Variants in PCNT observed in about 807,000 individuals in gnomAD.
PCNT encodes pericentrin, also known as kendrin.
PCNT carries 319 observed loss-of-function variants against 380.4 expected under a neutral mutation model. The ratio of observed to expected loss-of-function variants is 0.84; its 90% CI spans 0.77 to 0.92. The LOEUF is 0.92. PCNT is among the 40% of genes least tolerant of loss of function. The pLI, the probability that PCNT is intolerant of heterozygous loss-of-function variation, is 0.00. For missense variants in PCNT, 4,400 were observed against 4,255.3 expected (o/e 1.03, Z -0.95); for synonymous variants, 1,845 against 1,735.2 (o/e 1.06, Z -1.57).
At chr21:46,351,762 G>T (rs1016045821) in intron 9 of PCNT, among the ~76,000 whole-genome samples, 1 of 152,248 alleles carries the variant, frequency 6.6e-6, no homozygotes, top group African/African-American at 2.4e-5. Flanking sequence ...GCAGTGACGT[G>T]CACCTGTGTG....
intron 16 of PCNT, 129 bp downstream of exon 16, chr21:46,381,969 T>A (rs552292328): frequency 1.1e-6 from 1 of 924,136 alleles, no homozygotes; most frequent in African/African-American, 1.7e-5. Context: ...TGTTGTACAT[T>A]CAGTGGCGGA....
rs141990309 is a variant in PCNT at position 46,389,338 on chromosome 21, G to T, written c.3747G>T (p.Val1249=). ...GCTTTCTCATGAGCCCAGAAAGTGT[G>T]CGGGAGTGTGAGCAGCCCATCCGGA... ...RESFLMSPES[V]RECEQPIRRV... Residue 1249 remains valine (V), a synonymous_variant, in exon 19 of 47, where the codon GTG becomes GTT. Transcript: ENST00000359568. 6.2e-7 allele frequency: 1 copy of T among 1,614,048 alleles called. No individual in the cohort carries two copies. Among genetic ancestry groups the T allele is most frequent in the African/African-American group, 1.3e-5 (1 of 74,922 alleles).
At position 46,436,197 on chromosome 21, in the gene PCNT, T is replaced by C. The variant is rs1341834992; in HGVS notation, c.8996+49T>C. ...CTCACTGGTCCCTTGCAGCCACCCC[T>C]CTGTCCCAGACCCGGCCCGAGGGCT... On this transcript the variant is annotated intron_variant, in intron 39 of 46. Transcript: ENST00000359568. The C allele has an allele frequency of 2.5e-6, 4 of 1,596,796 alleles. No individual in the cohort carries two copies. The East Asian group carries it at 8.9e-5, about 36-fold the overall frequency.
intron 37 of PCNT, chr21:46,430,919 T>C (rs2087733911): frequency 4.1e-6 from 4 of 981,306 alleles, no homozygotes; most frequent in Non-Finnish European, 4.8e-6. Context: ...GAGCACTTGC[T>C]GTGGAGATGG....
chr21:46,413,303 G>A lies in PCNT; in HGVS notation c.6150+311G>A, dbSNP rs1474972665. ...CACGCGGCAGCAAGGTGTGGGGAAC[G>A]GGGAAGGCACGAGGCCCACCCGGGA... On this transcript the variant is annotated intron_variant, in intron 29 of 46. Coordinates refer to ENST00000359568, the MANE Select transcript of PCNT (RefSeq NM_006031.6). Among the ~76,000 whole-genome samples the A allele has an allele frequency of 5.5e-5, 6 of 109,414 alleles. 1 individual carries two copies. Among genetic ancestry groups the A allele is most frequent in the Non-Finnish European group, 1.1e-4 (6 of 53,902 alleles). The allele number at this position is 109,414 out of a possible 152,430, so 71.8% of individuals were successfully genotyped here. A position where few individuals can be genotyped will look rare whatever the true frequency, so the allele number is the denominator to read the frequency against.
intron 39 of PCNT, 101 bp downstream of exon 39, chr21:46,436,249 C>A: frequency 7.5e-7 from 1 of 1,329,822 alleles, no homozygotes; most frequent in Non-Finnish European, 1.1e-6. Flanking sequence ...GAGGCCCCTG[C>A]TCCTTTGCAC....
At chr21:46,363,167 G>A (rs968849589) in intron 13 of PCNT, among the ~76,000 whole-genome samples, 8 of 152,190 alleles carry the variant, frequency 5.3e-5, no homozygotes, top group Non-Finnish European at 8.8e-5. Context: ...AGAAGCCTCC[G>A]GCTGCTGCCT....
intron 16 of PCNT, 35 bp downstream of exon 16, chr21:46,381,875 G>C (rs140923662): frequency 2.5e-6 from 4 of 1,609,512 alleles, no homozygotes; most frequent in Non-Finnish European, 3.4e-6. Context: ...GTGATAAGAC[G>C]TGTATAGCAT....
At chr21:46,442,365 G>A (rs1415565866) in intron 43 of PCNT, 132 bp from the exon 44 acceptor site, 46 of 705,050 alleles carry the variant, frequency 6.5e-5, no homozygotes, top group South Asian at 3.9e-4. Context: ...CAGACTGGCC[G>A]ACCTTGGCGT....
intron 8 of PCNT, among the ~76,000 whole-genome samples, chr21:46,350,120 A>G (rs991619130): frequency 6.6e-6 from 1 of 152,164 alleles, no homozygotes; most frequent in Non-Finnish European, 1.5e-5. Flanking sequence ...TGGAGGTTGC[A>G]GTGAGCTGAG....
At chr21:46,403,853 A>C (rs867985462) in intron 27 of PCNT, among the ~76,000 whole-genome samples, 1 of 55,914 alleles carries the variant, frequency 1.8e-5, no homozygotes, top group South Asian at 6.1e-4. Context: ...AGAATCGTGT[A>C]TGTGTGGTGC....
At chr21:46,381,012 A>G (rs1376831671) in intron 15 of PCNT, among the ~76,000 whole-genome samples, 1 of 151,964 alleles carries the variant, frequency 6.6e-6, no homozygotes, top group Non-Finnish European at 1.5e-5. Context: ...CTCTACTAAA[A>G]GAAAAATTAC....
chr21:46,371,372 G>C (rs1264682509), intron 15 of PCNT, among the ~76,000 whole-genome samples: 2 of 151,896 alleles, frequency 1.3e-5, no homozygotes, highest in Non-Finnish European at 2.9e-5. Context: ...ACCACGCCTC[G>C]CTAATTTTTA....
chr21:46,334,388 CCTT>C lies in PCNT; in HGVS notation c.268-5_268-3del, dbSNP rs751683541. The C allele has an allele frequency of 8.6e-5, 139 of 1,614,124 alleles. No homozygotes were observed. The highest frequency in any genetic ancestry group is 1.7e-4 in the Middle Eastern group (1 of 6,046). On this transcript the variant is annotated splice_region_variant and splice_polypyrimidine_tract_variant and intron_variant, in intron 2 of 46. Coordinates refer to ENST00000359568, the MANE Select transcript of PCNT (RefSeq NM_006031.6). ...TTTAAATGCTTCTTTCTGGTCCTCC[CCTT>C]CTTAGCCGGAGGACTGTGATGGAGA...
chr21:46,396,055 G>A (rs2086199465), intron 21 of PCNT, among the ~76,000 whole-genome samples: 2 of 152,196 alleles, frequency 1.3e-5, no homozygotes, highest in Admixed American at 6.5e-5. Context: ...TAATAAAATA[G>A]AGACTTCAGG....
At chr21:46,358,781 T>C (rs1321524565) in intron 13 of PCNT, among the ~76,000 whole-genome samples, 6 of 151,850 alleles carry the variant, frequency 4.0e-5, no homozygotes. Context: ...CACACCACCA[T>C]GCCTGGCTAA....
chr21:46,341,392 T>G (rs1335252744), intron 3 of PCNT, among the ~76,000 whole-genome samples: 1 of 152,248 alleles, frequency 6.6e-6, no homozygotes, highest in South Asian at 2.1e-4. Flanking sequence ...GTCTGTGTTA[T>G]GGCTCGTGGG....
At chr21:46,328,409 T>G (rs1401233049) in intron 2 of PCNT, among the ~76,000 whole-genome samples, 1 of 151,922 alleles carries the variant, frequency 6.6e-6, no homozygotes, top group Non-Finnish European at 1.5e-5. Flanking sequence ...ATTACAGGAT[T>G]TCTGCCACCT....
chr21:46,416,186 G>C lies in PCNT; in HGVS notation c.6268G>C (p.Asp2090His). The C allele has an allele frequency of 6.2e-7, 1 of 1,614,190 alleles. No homozygotes were observed. The highest frequency in any genetic ancestry group is 1.1e-5 in the South Asian group (1 of 91,084). ...GTATTCCATGACCTTCCAGAATGTG[G>C]ATGCTGCCGACACCAAATCTCTGTG... ...LLYSMTFQNV[D>H]AADTKSLWPM... The change falls in exon 30 of 47, where the codon GAT becomes CAT. Residue 2090 changes from aspartate to histidine, a missense_variant. Physicochemically the swap from Asp to His is moderately conservative, Grantham distance 81 (BLOSUM62 -1). Transcript: ENST00000359568.
Sources: allele counts gnomAD v4.1 joint callset (sites outside exome capture counted in the v4.1 genomes callset), GRCh38; gene constraint gnomAD v4.1.1; transcripts MANE v1.5; gene names NCBI Gene and HGNC (gene_info 2026-07-23, HGNC 2026-07-21).